Variants in PIEZO2 observed in about 807,000 individuals in gnomAD.
The protein encoded by PIEZO2 is piezo type mechanosensitive ion channel component 2, also known as piezo-type mechanosensitive ion channel component 2.
PIEZO2 carries 172 observed loss-of-function variants against 337.3 expected under a neutral mutation model. The observed-to-expected ratio is 0.51, with a 90% CI of 0.45 to 0.58. The LOEUF is 0.58. PIEZO2 is among the 20% of genes least tolerant of loss of function. The probability of loss-of-function intolerance (pLI) is 0.00; values close to 1 mark genes in which losing one functional copy is unlikely to be tolerated. For missense variants in PIEZO2, 3,028 were observed against 3,391.3 expected, an observed-to-expected ratio of 0.89 and a Z score of 2.66; for synonymous variants, 1,251 against 1,228.5, an observed-to-expected ratio of 1.02 and a Z score of -0.38.
At chr18:11,023,913 G>A (rs2036421580) in intron 2 of PIEZO2, among the ~76,000 whole-genome samples, 1 of 152,210 alleles carries the variant, frequency 6.6e-6, no homozygotes. Flanking sequence ...CATTGCCCGG[G>A]GCCGGCAGGA....
At chr18:10,923,247 C>T (rs1362061018) in intron 3 of PIEZO2, among the ~76,000 whole-genome samples, 4 of 152,150 alleles carry the variant, frequency 2.6e-5, no homozygotes, top group African/African-American at 4.8e-5. Flanking sequence ...AATTCTAAGA[C>T]GCTTGCATAA....
At chr18:10,925,725 G>T (rs377290930) in intron 3 of PIEZO2, among the ~76,000 whole-genome samples, 1 of 152,020 alleles carries the variant, frequency 6.6e-6, no homozygotes, top group African/African-American at 2.4e-5. Context: ...GACTACAGGC[G>T]CCCGCCCTAA....
In PIEZO2 at chr18:11,142,506, C is replaced by G. The variant is rs534885703; in HGVS notation, c.64+6019G>C. 2.0e-5 allele frequency among the ~76,000 whole-genome samples: 3 copies of G among 152,300 alleles called. No individual in the cohort carries two copies. The East Asian group carries it at 5.8e-4, about 29-fold the overall frequency. On this transcript the variant is annotated intron_variant, in intron 1 of 55. Transcript: ENST00000674853. ...TTTAAAAAATGTTTTCCAGGCCAGG[C>G]GCAGTGGCTCACGCCTGTAATCCCA...
chr18:10,981,307 A>G (rs1169330625), intron 2 of PIEZO2, among the ~76,000 whole-genome samples: 1 of 152,190 alleles, frequency 6.6e-6, no homozygotes, highest in Non-Finnish European at 1.5e-5. Flanking sequence ...TATGTAACAC[A>G]TAATAGATAT....
Position 11,094,988 on chromosome 18 carries a change from T to C in PIEZO2, c.65-28766A>G, listed in dbSNP as rs2146063316. 6.6e-6 allele frequency among the ~76,000 whole-genome samples: 1 copy of C among 152,334 alleles called. No individual in the cohort carries two copies. Among genetic ancestry groups the C allele is most frequent in the East Asian group, 1.9e-4 (1 of 5,174 alleles). ...CATTTTCAGTGTGCCATTGAAACTA[T>C]GCCACCAAGTGTGGGGGTGGAAGGA... On this transcript the variant is annotated intron_variant, in intron 1 of 55. Coordinates refer to ENST00000674853, the MANE Select transcript of PIEZO2 (RefSeq NM_001378183.1). The surrounding 1 kb of genome is among the most constrained non-coding windows in gnomAD (Gnocchi z 4.4).
intron 15 of PIEZO2, 68 bp from the exon 16 acceptor site, chr18:10,787,252 T>G (rs1797060415): frequency 7.1e-7 from 1 of 1,399,816 alleles, no homozygotes; most frequent in Admixed American, 2.7e-5. Context: ...CAAAAATATT[T>G]GGTTTAATTC....
chr18:10,889,153 A>G (rs2042688058), intron 4 of PIEZO2, among the ~76,000 whole-genome samples: 1 of 152,254 alleles, frequency 6.6e-6, no homozygotes, highest in African/African-American at 2.4e-5. Flanking sequence ...AGGTGTGCAC[A>G]GGTACTTCCG....
At chr18:10,769,922 C>G in intron 21 of PIEZO2, 1 of 457,444 alleles carries the variant, frequency 2.2e-6, no homozygotes, top group South Asian at 4.5e-5. Context: ...AAATAAGTAG[C>G]CTTTGTAATA....
rs1333516479 is a variant in PIEZO2 at position 10,726,488 on chromosome 18, G to T, written c.5029+4919C>A. On this transcript the variant is annotated intron_variant, in intron 36 of 55. Coordinates refer to ENST00000674853, the MANE Select transcript of PIEZO2 (RefSeq NM_001378183.1). The surrounding 1 kb of genome is among the most constrained non-coding windows in gnomAD (Gnocchi z 5.9). ...GGAGGGCCTGGCCACCCTGCACAGCGTGCTGCTCCGCAAGCAGCCGTTCCT... is the reference window on the plus strand; with the variant it reads ...GGAGGGCCTGGCCACCCTGCACAGCTTGCTGCTCCGCAAGCAGCCGTTCCT... 2.6e-6 allele frequency: 4 copies of T among 1,509,910 alleles called. No individual in the cohort carries two copies. The highest frequency in any genetic ancestry group is 4.2e-5 in the Admixed American group (2 of 47,498). 93.5% of individuals were successfully genotyped at this position (1,509,910 alleles called of 1,614,324 possible). A position where few individuals can be genotyped will look rare whatever the true frequency, so the allele number is the denominator to read the frequency against.
chr18:11,005,319 C>G (rs2035679677), intron 2 of PIEZO2, among the ~76,000 whole-genome samples: 1 of 152,236 alleles, frequency 6.6e-6, no homozygotes, highest in Non-Finnish European at 1.5e-5. Context: ...AAAGTTCCCA[C>G]CATGCTACAC....
intron 2 of PIEZO2, among the ~76,000 whole-genome samples, chr18:11,025,744 G>A (rs888212235): frequency 1.3e-5 from 2 of 152,180 alleles, no homozygotes; most frequent in African/African-American, 4.8e-5. Flanking sequence ...GTTACTCAGA[G>A]CCCATGGTGA....
At chr18:10,927,530 T>G (rs2031818541) in intron 3 of PIEZO2, among the ~76,000 whole-genome samples, 1 of 152,198 alleles carries the variant, frequency 6.6e-6, no homozygotes, top group South Asian at 2.1e-4. Context: ...GAACATTACA[T>G]TTACACAAAA....
intron 2 of PIEZO2, among the ~76,000 whole-genome samples, chr18:11,045,071 G>A (rs778624266): frequency 1.2e-4 from 18 of 151,860 alleles, no homozygotes; most frequent in South Asian, 4.2e-4. Flanking sequence ...CAAAGTGGGC[G>A]GATCACGAGG....
chr18:10,755,241 T>C (rs2037790438), intron 27 of PIEZO2, among the ~76,000 whole-genome samples: 1 of 151,804 alleles, frequency 6.6e-6, no homozygotes, highest in African/African-American at 2.4e-5. Flanking sequence ...AGACTCCATG[T>C]GTGGGGTCGG....
chr18:10,777,291 G>T (rs916105871), intron 18 of PIEZO2, among the ~76,000 whole-genome samples: 1 of 152,132 alleles, frequency 6.6e-6, no homozygotes, highest in Non-Finnish European at 1.5e-5. Flanking sequence ...ACAAGTATTT[G>T]TTTGTGTCTT....
At chr18:10,805,284 C>T (rs1015998012) in intron 8 of PIEZO2, among the ~76,000 whole-genome samples, 1 of 152,206 alleles carries the variant, frequency 6.6e-6, no homozygotes, top group African/African-American at 2.4e-5. Flanking sequence ...GAGGCCAAGG[C>T]GAGTGAATTA....
chr18:10,808,816 C>A (rs1030001261), intron 7 of PIEZO2, among the ~76,000 whole-genome samples: 1 of 152,168 alleles, frequency 6.6e-6, no homozygotes, highest in Non-Finnish European at 1.5e-5. Context: ...GAACTGAAAG[C>A]TTTTCGATGT....
chr18:11,039,819 T>G (rs565783805), intron 2 of PIEZO2, among the ~76,000 whole-genome samples: 28 of 151,854 alleles, frequency 1.8e-4, no homozygotes, highest in African/African-American at 6.5e-4. Flanking sequence ...AATTAAAAAC[T>G]AGCAAAATAA....
At chr18:10,836,296 CT>C (rs1184938423) in intron 7 of PIEZO2, among the ~76,000 whole-genome samples, 1 of 152,168 alleles carries the variant, frequency 6.6e-6, no homozygotes, top group Non-Finnish European at 1.5e-5. Flanking sequence ...CCATCCTGAG[CT>C]TATTGGCTCA....
Sources: allele counts gnomAD v4.1 joint callset (sites outside exome capture counted in the v4.1 genomes callset), GRCh38; gene constraint gnomAD v4.1.1; non-coding constraint Gnocchi (gnomAD v3.1); transcripts MANE v1.5; gene names NCBI Gene and HGNC (gene_info 2026-07-23, HGNC 2026-07-21).